Variants in EVC observed in about 807,000 individuals in gnomAD.
EVC encodes evC complex member EVC.
Under a neutral mutation model 118.9 loss-of-function variants are expected in EVC, and 116 were observed. The observed-to-expected ratio is 0.98, with a 90% CI of 0.84 to 1.14. The LOEUF (loss-of-function observed/expected upper bound fraction) is 1.14, where lower values mean the gene tolerates loss of function less well. Ranked by LOEUF, EVC falls within the 50% of genes most tolerant of loss-of-function variation. The pLI, the probability that EVC is intolerant of heterozygous loss-of-function variation, is 0.00. For missense variants in EVC, 1,401 were observed against 1,246.4 expected (o/e 1.12, Z -1.87); for synonymous variants, 619 against 534.7 (o/e 1.16, Z -2.18).
intron 11 of EVC, among the ~76,000 whole-genome samples, chr4:5,757,517 T>G (rs1731354297): frequency 6.6e-6 from 1 of 152,208 alleles, no homozygotes; most frequent in South Asian, 2.1e-4. Flanking sequence ...CTCTCAAGGT[T>G]CTGGAGGCTG....
In EVC at chr4:5,798,638, C is replaced by T. The variant is rs754450020; in HGVS notation, c.2150C>T (p.Thr717Ile). Residue 717 changes from threonine to isoleucine, a missense_variant, in exon 15 of 21, where the codon ACA becomes ATA. Physicochemically the swap from Thr to Ile is moderately conservative, Grantham distance 89. Transcript: ENST00000264956. The surrounding 1 kb of genome is among the most constrained non-coding windows in gnomAD (Gnocchi z 4.1). ...CGGCTAGAGGAGGAAGCACAGCAGA[C>T]ACGGCTGCAGCTCCAGCAGCGGCTC... is the stretch of plus-strand genomic sequence containing the variant. Reference protein sequence around the residue: ...ASRLEEEAQQTRLQLQQRLLA... With the variant: ...ASRLEEEAQQIRLQLQQRLLA... 10 of 1,591,500 alleles carry T rather than the reference C, an allele frequency of 6.3e-6. 1 individual carries two copies. The South Asian group carries it at 1.0e-4, about 16-fold the overall frequency.
intron 2 of EVC, among the ~76,000 whole-genome samples, chr4:5,722,583 C>A (rs755991720): frequency 6.6e-6 from 1 of 152,108 alleles, no homozygotes. Context: ...TCATCTCAGC[C>A]GAAAACAAAC....
chr4:5,733,755 GAATGATAAT>G (rs1258943919), intron 5 of EVC, among the ~76,000 whole-genome samples: 1 of 152,170 alleles, frequency 6.6e-6, no homozygotes, highest in Non-Finnish European at 1.5e-5. Context: ...ATGTTTAAAG[GAATGATAAT>G]AATGATAAGA....
At chr4:5,767,297 C>G in intron 11 of EVC, among the ~76,000 whole-genome samples, 1 of 149,432 alleles carries the variant, frequency 6.7e-6, no homozygotes, top group Non-Finnish European at 1.5e-5. Context: ...CCACTGCTCT[C>G]TTCAAAGCTG....
At chr4:5,803,797 G>A (rs781052657) in intron 16 of EVC, among the ~76,000 whole-genome samples, 6 of 152,304 alleles carry the variant, frequency 3.9e-5, no homozygotes, top group Admixed American at 6.5e-5. Context: ...GCCTCCTGCC[G>A]TGGCCACTGA....
At chr4:5,750,793 A>G (rs980580768) in intron 8 of EVC, among the ~76,000 whole-genome samples, 1 of 152,172 alleles carries the variant, frequency 6.6e-6, no homozygotes, top group South Asian at 2.1e-4. Context: ...AATTACTGTA[A>G]TGATGCATGG....
In EVC at chr4:5,811,482, A is replaced by G. The variant is rs1335995489; in HGVS notation, c.*445A>G. ...TCTGAGGACACTTAGAATATGAGGA[A>G]GAGGGTGTGGCCCAACCCTCACTTC... On this transcript the variant is annotated 3_prime_UTR_variant, in exon 21 of 21. Coordinates refer to ENST00000264956, the MANE Select transcript of EVC (RefSeq NM_153717.3). 4.4e-6 allele frequency: 1 copy of G among 228,364 alleles called. No individual in the cohort carries two copies. Among genetic ancestry groups the G allele is most frequent in the Admixed American group, 5.2e-5 (1 of 19,142 alleles). 14.1% of individuals were successfully genotyped at this position (228,364 alleles called of 1,614,324 possible).
At chr4:5,751,533 A>G (rs568419823) in intron 8 of EVC, among the ~76,000 whole-genome samples, 2 of 152,150 alleles carry the variant, frequency 1.3e-5, no homozygotes, top group African/African-American at 2.4e-5. Context: ...GTCCTTGTCC[A>G]TCGCTGGGGG....
chr4:5,714,781 C>T (rs937421522), intron 1 of EVC, among the ~76,000 whole-genome samples: 3 of 151,984 alleles, frequency 2.0e-5, no homozygotes, highest in Admixed American at 6.6e-5. Context: ...AAATTAATAG[C>T]TATTCTCTTT....
intron 11 of EVC, among the ~76,000 whole-genome samples, chr4:5,766,375 A>G (rs1237741804): frequency 1.5e-5 from 2 of 131,662 alleles, no homozygotes; most frequent in East Asian, 4.4e-4. Context: ...TCTGACAATT[A>G]TGTGTCTTGG....
chr4:5,790,642 T>A (rs1261241566), intron 12 of EVC, among the ~76,000 whole-genome samples: 2 of 152,190 alleles, frequency 1.3e-5, no homozygotes, highest in Non-Finnish European at 2.9e-5. Context: ...CAGATTTCAG[T>A]TCCTGCCCCA....
chr4:5,823,772 G>A, the EVC span, among the ~76,000 whole-genome samples: 4 of 151,766 alleles, frequency 2.6e-5, no homozygotes, highest in Non-Finnish European at 5.9e-5. Context: ...TGCTTGTACA[G>A]CCTGCAGAGC....
chr4:5,789,443 A>G lies in EVC; in HGVS notation c.1777-4165A>G, dbSNP rs987609707. Among the ~76,000 whole-genome samples the G allele has an allele frequency of 1.3e-5, 2 of 152,110 alleles. No individual in the cohort carries two copies. The highest frequency in any genetic ancestry group is 6.5e-5 in the Admixed American group (1 of 15,276). ...TCTGACCATGCTGTTTAAAACTGCA[A>G]TGCCCCCCTCACCCCCAGCACTCCA... On this transcript the variant is annotated intron_variant, in intron 12 of 20. Coordinates refer to ENST00000264956, the MANE Select transcript of EVC (RefSeq NM_153717.3). The surrounding 1 kb of genome is among the most constrained non-coding windows in gnomAD (Gnocchi z 4.3).
At position 5,756,005 on chromosome 4, in the gene EVC, G is replaced by T. The variant is rs745575721; in HGVS notation, c.1465-259G>T. Among the ~76,000 whole-genome samples, 5 of 152,178 alleles carry T rather than the reference G, an allele frequency of 3.3e-5. No homozygotes were observed. Among genetic ancestry groups the T allele is most frequent in the Non-Finnish European group, 7.3e-5 (5 of 68,036 alleles). ...GCCAGGACAGAGGAGTGACAGAAGT[G>T]GTCCAGTGGCCCCTCCTCATCCTGG... On this transcript the variant is annotated intron_variant, in intron 10 of 20. Transcript: ENST00000264956. This position sits in a 1 kb window ranked among gnomAD's most constrained non-coding sequence, Gnocchi z 4.2.
At chr4:5,827,928 T>C in the EVC span, 1 of 609,750 alleles carries the variant, frequency 1.6e-6, no homozygotes, top group Non-Finnish European at 2.1e-6. Context: ...CTCCTTCCCT[T>C]TGACAGATGT....
At chr4:5,758,420 A>T in intron 11 of EVC, 1 of 305,528 alleles carries the variant, frequency 3.3e-6, no homozygotes, top group Non-Finnish European at 6.0e-6. Flanking sequence ...TGATTATTTA[A>T]TTCTCATGAG....
intron 2 of EVC, among the ~76,000 whole-genome samples, chr4:5,726,662 C>T (rs1725881616): frequency 6.7e-6 from 1 of 149,218 alleles, no homozygotes; most frequent in Non-Finnish European, 1.5e-5. Context: ...TGCTGGTGCG[C>T]TGCACCCACT....
At position 5,749,318 on chromosome 4, in the gene EVC, A is replaced by G. The variant is rs1262589362; in HGVS notation, c.1098+1012A>G. On this transcript the variant is annotated intron_variant, in intron 8 of 20. Transcript: ENST00000264956. The surrounding 1 kb of genome is among the most constrained non-coding windows in gnomAD (Gnocchi z 4.4). Reference sequence around the variant, plus strand: ...CTTAGGCCACACATAAAATACATTAACACTAACGATAGCTGATGAGCGGAA... The same window carrying G: ...CTTAGGCCACACATAAAATACATTAGCACTAACGATAGCTGATGAGCGGAA... 1.3e-5 allele frequency among the ~76,000 whole-genome samples: 2 copies of G among 149,400 alleles called. No homozygotes were observed. The highest frequency in any genetic ancestry group is 5.0e-5 in the African/African-American group (2 of 39,892).
chr4:5,765,803 A>T (rs2152147210), intron 11 of EVC, among the ~76,000 whole-genome samples: 1 of 150,496 alleles, frequency 6.6e-6, no homozygotes, highest in East Asian at 2.0e-4. Context: ...GTGTGTCTGC[A>T]CGTGAGATGG....
Sources: gnomAD v4.1 joint callset for allele counts (sites outside exome capture counted in the v4.1 genomes callset) on GRCh38, gnomAD v4.1.1 for gene constraint, Gnocchi (gnomAD v3.1) non-coding constraint, MANE v1.5 for transcripts, NCBI Gene and HGNC (gene_info 2026-07-23, HGNC 2026-07-21) for gene names.